The following XYLB variants were observed in gnomAD, a reference collection of about 807,000 sequenced individuals.
XYLB encodes the protein xylulokinase.
A neutral mutation model predicts 78.7 loss-of-function variants in XYLB; 62 were observed. The observed-to-expected ratio is 0.79, with a 90% confidence interval of 0.64 to 0.97. XYLB has a LOEUF of 0.97. Among genes scored for constraint, XYLB ranks in the 50% least tolerant of loss-of-function variants. The pLI, the probability that XYLB is intolerant of heterozygous loss-of-function variation, is 0.00. For synonymous variants in XYLB, 245 were observed against 247.4 expected, an observed-to-expected ratio of 0.99 and a Z score of 0.09; for missense variants, 687 against 676.8, an observed-to-expected ratio of 1.02 and a Z score of -0.17.
chr3:38,425,659 G>T (rs1709085716), downstream of XYLB, among the ~76,000 whole-genome samples: 1 of 152,190 alleles, frequency 6.6e-6, no homozygotes, highest in Non-Finnish European at 1.5e-5. Flanking sequence ...ATAACATGGG[G>T]TAGAGGTTAT....
intron 7 of XYLB, 90 bp from the exon 8 acceptor site, chr3:38,368,094 AT>A: frequency 7.7e-5 from 99 of 1,280,408 alleles, no homozygotes; most frequent in South Asian, 1.0e-4. Context: ...TCCCTCTCCA[AT>A]TTTTTTTCAT....
intron 2 of XYLB, among the ~76,000 whole-genome samples, chr3:38,349,441 C>A (rs1047096568): frequency 6.6e-6 from 1 of 152,062 alleles, no homozygotes; most frequent in Non-Finnish European, 1.5e-5. Flanking sequence ...AGAACAGATT[C>A]GGAGCATTGC....
the XYLB span, among the ~76,000 whole-genome samples, chr3:38,442,125 T>C: frequency 1.3e-5 from 2 of 152,166 alleles, no homozygotes; most frequent in Admixed American, 6.5e-5. Context: ...TTTTAATGTC[T>C]TAGGGCAAGG....
intron 8 of XYLB, among the ~76,000 whole-genome samples, 193 bp from the exon 9 acceptor site, chr3:38,369,863 G>C (rs975354889): frequency 6.6e-6 from 1 of 152,120 alleles, no homozygotes; most frequent in African/African-American, 2.4e-5. Flanking sequence ...GTGTGGTGCC[G>C]TGTGTTTCCA....
At chr3:38,351,857 T>C (rs545457566) in intron 2 of XYLB, among the ~76,000 whole-genome samples, 69 of 152,404 alleles carry the variant, frequency 4.5e-4, no homozygotes, top group Middle Eastern at 3.4e-3. Context: ...AGTTGGTTCC[T>C]ATTATTGCCG....
At chr3:38,347,060 C>T in intron 1 of XYLB, 135 bp downstream of exon 1, 5 of 877,784 alleles carry the variant, frequency 5.7e-6, no homozygotes, top group Non-Finnish European at 6.1e-6. Flanking sequence ...TCCCGGGGCC[C>T]CCGCGCCCCT....
In XYLB at chr3:38,375,208, G is replaced by T. The variant is rs1405157504; in HGVS notation, c.953G>T (p.Gly318Val). Residue 318 changes from glycine (G) to valine (V), a missense_variant, in exon 12 of 19, where the codon GGC becomes GTC. Transcript: ENST00000207870. The part of the protein sequence containing the change: ...WLQEPMPALE[G>V]HIFCNPVDSQ... ...CAAGAGCCCATGCCTGCCCTGGAAG[G>T]CCACATCTTCTGCAACCCGGTTGAC... The T allele has an allele frequency of 6.2e-7, 1 of 1,614,186 alleles. No individual in the cohort carries two copies. Among genetic ancestry groups the T allele is most frequent in the Non-Finnish European group, 8.5e-7 (1 of 1,180,034 alleles).
chr3:38,432,166 T>C, the XYLB span, among the ~76,000 whole-genome samples: 1 of 152,168 alleles, frequency 6.6e-6, no homozygotes, highest in Non-Finnish European at 1.5e-5. Context: ...CTTCCAGCAG[T>C]CCCCGAAAGT....
intron 1 of XYLB, among the ~76,000 whole-genome samples, chr3:38,347,638 C>T (rs575561191): frequency 4.6e-5 from 7 of 151,768 alleles, no homozygotes; most frequent in Non-Finnish European, 1.0e-4. Context: ...ATGGCGTCAC[C>T]GGTCTCCAGC....
chr3:38,386,410 A>C (rs1707384430), intron 15 of XYLB, among the ~76,000 whole-genome samples: 1 of 152,156 alleles, frequency 6.6e-6, no homozygotes. Flanking sequence ...TTTACATTTA[A>C]TGTAATTATT....
At chr3:38,420,825 C>T (rs899179168), downstream of XYLB, among the ~76,000 whole-genome samples, 1 of 152,044 alleles carries the variant, frequency 6.6e-6, no homozygotes, top group Non-Finnish European at 1.5e-5. Context: ...AACAGGATTT[C>T]TGCAGCAATG....
the XYLB span, among the ~76,000 whole-genome samples, chr3:38,433,626 T>C: frequency 1.3e-5 from 2 of 152,236 alleles, no homozygotes; most frequent in African/African-American, 4.8e-5. Flanking sequence ...CCAGTCTCTT[T>C]GCTAAAGCAT....
At chr3:38,425,013 A>G (rs1201591199), downstream of XYLB, among the ~76,000 whole-genome samples, 1 of 152,244 alleles carries the variant, frequency 6.6e-6, no homozygotes, top group Non-Finnish European at 1.5e-5. Context: ...AGCTAAAGCT[A>G]TTATCCAGCA....
At chr3:38,435,420 C>T in the XYLB span, among the ~76,000 whole-genome samples, 1 of 152,102 alleles carries the variant, frequency 6.6e-6, no homozygotes, top group African/African-American at 2.4e-5. Context: ...ATGCACCCAA[C>T]ATTGGAGCAC....
chr3:38,351,818 G>A (rs1575447366), intron 2 of XYLB, among the ~76,000 whole-genome samples: 1 of 152,136 alleles, frequency 6.6e-6, no homozygotes, highest in East Asian at 1.9e-4. Context: ...ACAGTTTTGA[G>A]ATTCATCCAT....
At chr3:38,410,481 C>G (rs1479115916) in intron 18 of XYLB, among the ~76,000 whole-genome samples, 1 of 151,894 alleles carries the variant, frequency 6.6e-6, no homozygotes, top group Non-Finnish European at 1.5e-5. Flanking sequence ...TGGGCAAGGA[C>G]TTCATGTCTA....
rs1708736919 is a variant in XYLB, at chr3:38,414,917, A to G, written c.*1904A>G. On this transcript the variant is annotated 3_prime_UTR_variant, in exon 19 of 19. Transcript: ENST00000207870. The stretch of plus-strand genomic sequence containing the variant: ...TGAAGACAAAAGATAAGACAGTGGC[A>G]TAGAGTTAATATTTAAAATTCAAAT... The G allele has an allele frequency of 1.3e-5, 2 of 152,214 alleles. No individual in the cohort carries two copies. Among genetic ancestry groups the G allele is most frequent in the Admixed American group, 6.5e-5 (1 of 15,284 alleles). 9.4% of individuals were successfully genotyped at this position (152,214 alleles called of 1,614,324 possible).
chr3:38,408,204 C>T (rs1708414697), intron 18 of XYLB, among the ~76,000 whole-genome samples: 1 of 152,096 alleles, frequency 6.6e-6, no homozygotes, highest in Non-Finnish European at 1.5e-5. Context: ...ACAGTGCAAT[C>T]AAACTAGAAC....
chr3:38,451,126 AG>A, the XYLB span: 1 of 152,238 alleles, frequency 6.6e-6, no homozygotes, highest in Admixed American at 6.5e-5. Flanking sequence ...GGGTTTATAT[AG>A]CAGGAAAGAA....
Sources: allele counts gnomAD v4.1 joint callset (sites outside exome capture counted in the v4.1 genomes callset), GRCh38; gene constraint gnomAD v4.1.1; transcripts MANE v1.5; gene names NCBI Gene and HGNC (gene_info 2026-07-23, HGNC 2026-07-21).